ANKRD6: variants seen among roughly 807,000 people sequenced by gnomAD.
ANKRD6 encodes ankyrin repeat domain-containing protein 6.
A neutral mutation model predicts 82.3 loss-of-function variants in ANKRD6; 56 were observed. The ratio of observed to expected loss-of-function variants is 0.68; its 90% CI spans 0.55 to 0.85. ANKRD6 has a LOEUF of 0.85. Ranked by LOEUF, ANKRD6 falls within the 40% of genes least tolerant of loss-of-function variation. The pLI, the probability that ANKRD6 is intolerant of heterozygous loss-of-function variation, is 0.00. For missense variants in ANKRD6, 852 were observed against 907.6 expected (o/e 0.94, Z 0.79); for synonymous variants, 347 against 352.1 (o/e 0.99, Z 0.16).
At chr6:89,495,051 A>G (rs1157077966) in intron 1 of ANKRD6, among the ~76,000 whole-genome samples, 1 of 152,152 alleles carries the variant, frequency 6.6e-6, no homozygotes, top group East Asian at 1.9e-4. Flanking sequence ...TGGCTAACAC[A>G]GTGAAACCCC....
At chr6:89,576,936 T>A (rs1791243725) in intron 2 of ANKRD6, among the ~76,000 whole-genome samples, 1 of 152,104 alleles carries the variant, frequency 6.6e-6, no homozygotes, top group Non-Finnish European at 1.5e-5. Flanking sequence ...TTTTTATTTT[T>A]TATTTTTTTT....
In ANKRD6 at chr6:89,622,028, T is replaced by TG. The variant is rs1350856961; in HGVS notation, c.897+8dup. The TG allele has an allele frequency of 1.9e-6, 3 of 1,611,280 alleles. No homozygotes were observed. The highest frequency in any genetic ancestry group is 1.3e-5 in the African/African-American group (1 of 74,916). On this transcript the variant is annotated splice_region_variant and intron_variant, in intron 10 of 15. Coordinates refer to ENST00000339746, the MANE Select transcript of ANKRD6 (RefSeq NM_001242809.2). The stretch of plus-strand genomic sequence containing the variant: ...AGAGATGAGGTGGCCCAAAGCAAGG[T>TG]GGGGGGCAGTCCTCCCGCCGTCCCC...
intron 1 of ANKRD6, among the ~76,000 whole-genome samples, chr6:89,549,818 T>A (rs1785580819): frequency 6.6e-6 from 1 of 151,276 alleles, no homozygotes; most frequent in Admixed American, 6.6e-5. Context: ...ATGTGAGAAA[T>A]ATGCATAGAA....
chr6:89,495,757 T>C (rs933251649), intron 1 of ANKRD6, among the ~76,000 whole-genome samples: 2 of 152,236 alleles, frequency 1.3e-5, no homozygotes, highest in African/African-American at 4.8e-5. Context: ...TTATAATTTA[T>C]TGCATTCAGT....
intron 1 of ANKRD6, among the ~76,000 whole-genome samples, chr6:89,496,439 G>A (rs1317881179): frequency 2.6e-5 from 4 of 152,178 alleles, no homozygotes; most frequent in African/African-American, 4.8e-5. Flanking sequence ...CGGTAGTACC[G>A]TCGGGACCAG....
At chr6:89,616,446 T>C in intron 7 of ANKRD6, 113 bp from the exon 8 acceptor site, 1 of 945,012 alleles carries the variant, frequency 1.1e-6, no homozygotes, top group Non-Finnish European at 1.7e-6. Context: ...CATTTCAGTC[T>C]CAGGCAAATC....
At chr6:89,587,759 A>G (rs532328799) in intron 2 of ANKRD6, among the ~76,000 whole-genome samples, 1 of 152,280 alleles carries the variant, frequency 6.6e-6, no homozygotes, top group Non-Finnish European at 1.5e-5. Flanking sequence ...CAGCCAAGGA[A>G]TTTATTCCCT....
At chr6:89,548,010 A>G (rs773535980) in intron 1 of ANKRD6, among the ~76,000 whole-genome samples, 1 of 152,226 alleles carries the variant, frequency 6.6e-6, no homozygotes, top group Non-Finnish European at 1.5e-5. Flanking sequence ...TCTGATTTCA[A>G]TGCCCCAACA....
intron 1 of ANKRD6, among the ~76,000 whole-genome samples, chr6:89,445,523 C>T (rs548878106): frequency 2.0e-5 from 3 of 152,130 alleles, no homozygotes; most frequent in East Asian, 3.9e-4. Flanking sequence ...CTCTGCTCAC[C>T]GCAACCTCCA....
intron 9 of ANKRD6, 48 bp from the exon 10 acceptor site, chr6:89,621,874 G>T: frequency 1.3e-6 from 2 of 1,567,522 alleles, no homozygotes; most frequent in South Asian, 1.1e-5. Flanking sequence ...CTCTCACACA[G>T]ATGCTGCGCA....
At chr6:89,584,393 T>C (rs1024994572) in intron 2 of ANKRD6, among the ~76,000 whole-genome samples, 4 of 152,216 alleles carry the variant, frequency 2.6e-5, no homozygotes, top group Admixed American at 2.6e-4. Context: ...GAGGCCCTCT[T>C]AGTAGTTGTC....
intron 2 of ANKRD6, among the ~76,000 whole-genome samples, chr6:89,572,199 CAATTTTGGTA>C (rs2128091654): frequency 6.6e-6 from 1 of 152,320 alleles, no homozygotes; most frequent in East Asian, 1.9e-4. Flanking sequence ...GGTTGCTTCC[CAATTTTGGTA>C]ATTATGAGTA....
chr6:89,555,788 C>T (rs555751819), intron 1 of ANKRD6, among the ~76,000 whole-genome samples: 1 of 151,926 alleles, frequency 6.6e-6, no homozygotes, highest in Admixed American at 6.6e-5. Flanking sequence ...ATTTGTATAT[C>T]TCTGGACTTT....
chr6:89,571,239 G>A (rs1789826995), intron 2 of ANKRD6, among the ~76,000 whole-genome samples: 1 of 151,920 alleles, frequency 6.6e-6, no homozygotes. Flanking sequence ...ATTTTTAGTA[G>A]AGATAAGGTT....
chr6:89,630,591 G>T lies in ANKRD6; in HGVS notation c.1771G>T (p.Val591Phe). 2 of 1,613,878 alleles carry T rather than the reference G, an allele frequency of 1.2e-6. No homozygotes were observed. The highest frequency in any genetic ancestry group is 1.7e-6 in the Non-Finnish European group (2 of 1,179,820). Reference sequence around the variant, plus strand: ...CTGTACAGGCTCCCGACTGAGAAACGTCAAGGTCCAGACAGCCTTGCTACC... The same window carrying T: ...CTGTACAGGCTCCCGACTGAGAAACTTCAAGGTCCAGACAGCCTTGCTACC... ...SDCTGSRLRN[V>F]KVQTALLPMN... The change falls in exon 16 of 16, where the codon GTC becomes TTC. Residue 591 changes from valine to phenylalanine, a missense_variant. Transcript: ENST00000339746.
intron 1 of ANKRD6, among the ~76,000 whole-genome samples, chr6:89,473,789 G>A (rs1336894437): frequency 6.6e-6 from 1 of 151,978 alleles, no homozygotes; most frequent in Admixed American, 6.6e-5. Flanking sequence ...GACCAGCCTG[G>A]TCAACATGGT....
intron 1 of ANKRD6, among the ~76,000 whole-genome samples, chr6:89,438,798 G>A (rs372613558): frequency 4.6e-5 from 7 of 152,140 alleles, no homozygotes; most frequent in African/African-American, 1.7e-4. Flanking sequence ...AGCCACCACT[G>A]TGCCTGGCTA....
At chr6:89,619,038 C>T (rs1372130247) in intron 9 of ANKRD6, among the ~76,000 whole-genome samples, 1 of 152,106 alleles carries the variant, frequency 6.6e-6, no homozygotes, top group Admixed American at 6.6e-5. Flanking sequence ...TTGGGATGGC[C>T]TTTATTTTGT....
intron 1 of ANKRD6, among the ~76,000 whole-genome samples, chr6:89,474,198 G>A (rs1006076760): frequency 5.3e-5 from 8 of 152,228 alleles, no homozygotes; most frequent in Non-Finnish European, 1.0e-4. Flanking sequence ...TGCCTAGAGT[G>A]TGAACACACT....
Sources: allele counts gnomAD v4.1 joint callset (sites outside exome capture counted in the v4.1 genomes callset), GRCh38; gene constraint gnomAD v4.1.1; transcripts MANE v1.5; gene names NCBI Gene and HGNC (gene_info 2026-07-23, HGNC 2026-07-21).